ZNF599: variants seen among roughly 807,000 people sequenced by gnomAD.
ZNF599 encodes the protein zinc finger protein 599.
Under a neutral mutation model 11.7 loss-of-function variants are expected in ZNF599, and 10 were observed. That is an observed-to-expected ratio of 0.86 (90% confidence interval 0.53 to 1.45). ZNF599 has a LOEUF of 1.45. Among genes scored for constraint, ZNF599 ranks in the 40% most tolerant of loss-of-function variants. ZNF599 has a pLI of 0.00. For missense variants in ZNF599, 688 were observed against 713.6 expected, an observed-to-expected ratio of 0.96 and a Z score of 0.41; for synonymous variants, 232 against 253.2, an observed-to-expected ratio of 0.92 and a Z score of 0.79.
At chr19:34,776,503 G>A (rs1199576642), upstream of ZNF599, among the ~76,000 whole-genome samples, 2 of 152,152 alleles carry the variant, frequency 1.3e-5, no homozygotes, top group Non-Finnish European at 2.9e-5. Flanking sequence ...AAACAAAAAT[G>A]TTCTGGAGTT....
chr19:34,788,936 A>T, the ZNF599 span, among the ~76,000 whole-genome samples: 1 of 152,336 alleles, frequency 6.6e-6, no homozygotes, highest in South Asian at 2.1e-4. Flanking sequence ...TCACACAGTT[A>T]TCATTTTGTA....
chr19:34,793,938 G>A, the ZNF599 span, among the ~76,000 whole-genome samples: 1 of 152,110 alleles, frequency 6.6e-6, no homozygotes, highest in Non-Finnish European at 1.5e-5. Flanking sequence ...TTTTCACGCT[G>A]CAGATAAAGA....
chr19:34,775,533 G>A (rs1264398714), upstream of ZNF599, among the ~76,000 whole-genome samples: 1 of 152,216 alleles, frequency 6.6e-6, no homozygotes, highest in Non-Finnish European at 1.5e-5. Flanking sequence ...GGGATATGGA[G>A]TTTCTTTGTG....
chr19:34,789,710 T>C, the ZNF599 span, among the ~76,000 whole-genome samples: 9 of 152,348 alleles, frequency 5.9e-5, no homozygotes, highest in African/African-American at 2.2e-4. Flanking sequence ...TTATTTGTTT[T>C]CTTGCTATTG....
At chr19:34,769,648 C>T (rs923163976) in intron 1 of ZNF599, 93 bp from the exon 2 acceptor site, 48 of 1,474,990 alleles carry the variant, frequency 3.3e-5, no homozygotes, top group Admixed American at 6.0e-5. Flanking sequence ...TCCAGAGACC[C>T]TGAACCACTG....
chr19:34,759,986 T>A lies in ZNF599; in HGVS notation c.815A>T (p.Glu272Val), dbSNP rs2069100284. The change falls in exon 4 of 4, where the codon GAG (glutamate) becomes GTG (valine). Residue 272 changes from glutamate to valine, a missense_variant. Glu to Val is a moderately radical substitution (Grantham distance 121). Transcript: ENST00000329285. Reference protein sequence around the residue: ...KAFKRRFHLTEHQRIHTGDKP... With the variant: ...KAFKRRFHLTVHQRIHTGDKP... Reference sequence around the variant, plus strand: ...ATCTCCGGTGTGAATACGCTGGTGCTCCGTGAGGTGAAACCTGCGTTTGAA... The same window carrying A: ...ATCTCCGGTGTGAATACGCTGGTGCACCGTGAGGTGAAACCTGCGTTTGAA... The A allele has an allele frequency of 1.9e-6, 3 of 1,614,178 alleles. No homozygotes were observed. In the South Asian group the frequency reaches 3.3e-5, roughly 18 times the overall value.
chr19:34,759,058 A>C lies in ZNF599; in HGVS notation c.1743T>G (p.His581Gln). Residue 581 changes from histidine to glutamine, a missense_variant, in exon 4 of 4, where the codon CAT (histidine) becomes CAG (glutamine). His to Gln is a conservative substitution (Grantham distance 24, BLOSUM62 0). Transcript: ENST00000329285. ...TFSHSSSFTH[H>Q]RKIHTRV ...TTTAAACTCTGGTATGAATCTTTCG[A>C]TGGTGAGTGAACGATGAACTGTGGC... 8 of 1,611,996 alleles carry C rather than the reference A, an allele frequency of 5.0e-6. No individual in the cohort carries two copies. The highest frequency in any genetic ancestry group is 6.8e-6 in the Non-Finnish European group (8 of 1,178,424).
intron 3 of ZNF599, among the ~76,000 whole-genome samples, chr19:34,762,532 T>C (rs1468000301): frequency 6.6e-6 from 1 of 152,188 alleles, no homozygotes; most frequent in African/African-American, 2.4e-5. Flanking sequence ...AGGACACATA[T>C]ATATGAATTA....
upstream of ZNF599, among the ~76,000 whole-genome samples, chr19:34,774,641 G>A (rs1405205091): frequency 1.3e-5 from 2 of 152,152 alleles, no homozygotes; most frequent in Non-Finnish European, 2.9e-5. Context: ...GAGATAATGG[G>A]ACTGATAAGT....
the ZNF599 span, among the ~76,000 whole-genome samples, chr19:34,805,971 C>A: frequency 1.3e-5 from 2 of 152,112 alleles, no homozygotes; most frequent in African/African-American, 4.8e-5. Flanking sequence ...TACCTCTGGC[C>A]GAGGACCCTG....
At chr19:34,772,527 G>T in intron 1 of ZNF599, 4 of 1,327,640 alleles carry the variant, frequency 3.0e-6, no homozygotes, top group Non-Finnish European at 3.8e-6. Context: ...CCTCCACAGA[G>T]AAAATTACTG....
In ZNF599 at chr19:34,758,136, G is replaced by A. The variant is rs1199399823; in HGVS notation, c.*898C>T. On this transcript the variant is annotated 3_prime_UTR_variant, in exon 4 of 4. Transcript: ENST00000329285. ...TAATTATTCAAGAAACACTGATAAAGTGTCTTTAAACAAACAAACAAACAA... is the reference window on the plus strand; with the variant it reads ...TAATTATTCAAGAAACACTGATAAAATGTCTTTAAACAAACAAACAAACAA... 1 of 152,094 alleles carries A rather than the reference G, an allele frequency of 6.6e-6. No homozygotes were observed. The highest frequency in any genetic ancestry group is 1.5e-5 in the Non-Finnish European group (1 of 68,012). 9.4% of individuals were successfully genotyped at this position (152,094 alleles called of 1,614,324 possible).
At chr19:34,805,486 G>A in the ZNF599 span, among the ~76,000 whole-genome samples, 4 of 152,010 alleles carry the variant, frequency 2.6e-5, no homozygotes, top group South Asian at 2.1e-4. Flanking sequence ...ATGAGCCACC[G>A]TGCCCAGCTG....
intron 2 of ZNF599, among the ~76,000 whole-genome samples, chr19:34,768,257 G>A (rs1371413670): frequency 6.6e-6 from 1 of 152,196 alleles, no homozygotes. Context: ...CTCTGTTAAG[G>A]AATCAAGCAC....
intron 3 of ZNF599, among the ~76,000 whole-genome samples, chr19:34,766,716 C>T (rs2069146295): frequency 6.6e-6 from 1 of 152,152 alleles, no homozygotes; most frequent in African/African-American, 2.4e-5. Context: ...GGCTCTTCTC[C>T]TTGGGTATAA....
At chr19:34,779,639 G>T in the ZNF599 span, 102,556 of 327,832 alleles carry the variant, frequency 0.31, 16,421 homozygotes, top group African/African-American at 0.38. Context: ...GCACTCATAA[G>T]GCCTTTCTCC....
At chr19:34,794,542 A>G in the ZNF599 span, among the ~76,000 whole-genome samples, 3 of 151,056 alleles carry the variant, frequency 2.0e-5, no homozygotes, top group African/African-American at 7.3e-5. Context: ...TTCCCCCCTC[A>G]GAGATTATAT....
the ZNF599 span, among the ~76,000 whole-genome samples, chr19:34,807,246 G>A: frequency 6.6e-6 from 1 of 152,144 alleles, no homozygotes; most frequent in Non-Finnish European, 1.5e-5. Context: ...ACCTGAACAG[G>A]TTCCCACAAT....
At chr19:34,789,516 G>A in the ZNF599 span, among the ~76,000 whole-genome samples, 1 of 152,094 alleles carries the variant, frequency 6.6e-6, no homozygotes, top group African/African-American at 2.4e-5. Flanking sequence ...GCCAACACGT[G>A]CTCTTTTCTC....
Sources: gnomAD v4.1 joint callset for allele counts (sites outside exome capture counted in the v4.1 genomes callset) on GRCh38, gnomAD v4.1.1 for gene constraint, MANE v1.5 for transcripts, NCBI Gene and HGNC (gene_info 2026-07-23, HGNC 2026-07-21) for gene names.